The following BAHCC1 variants were observed in gnomAD, a reference collection of about 807,000 sequenced individuals.
The protein encoded by BAHCC1 is BAH domain and coiled-coil containing 1.
A neutral mutation model predicts 88.2 loss-of-function variants in BAHCC1; 43 were observed. The ratio of observed to expected loss-of-function variants is 0.49; its 90% CI spans 0.38 to 0.63. The LOEUF (loss-of-function observed/expected upper bound fraction) is 0.63, where lower values mean the gene tolerates loss of function less well. BAHCC1 is among the 20% of genes least tolerant of loss of function. The pLI is 0.00. For missense variants in BAHCC1, 3,023 were observed against 1,654.8 expected (o/e 1.83, Z -14.34); for synonymous variants, 1,510 against 745.5 (o/e 2.03, Z -16.71).
chr17:81,395,543 A>C lies in BAHCC1; in HGVS notation c.-299A>C, dbSNP rs1390794913. 6.6e-6 allele frequency: 1 copy of C among 152,272 alleles called. No individual in the cohort carries two copies. Among genetic ancestry groups the C allele is most frequent in the Non-Finnish European group, 1.5e-5 (1 of 68,044 alleles). 9.4% of individuals were successfully genotyped at this position (152,272 alleles called of 1,614,324 possible). ...GCGGTGCATTTACAGTGCAACAGTC[A>C]GCACATTGAAAATACCAATAGGAAT... On this transcript the variant is annotated 5_prime_UTR_variant, in exon 1 of 28. Transcript: ENST00000675386.
Position 81,399,611 on chromosome 17 carries a change from G to T in BAHCC1, c.-129G>T. The T allele has an allele frequency of 1.2e-5, 7 of 567,366 alleles. No homozygotes were observed. The highest frequency in any genetic ancestry group is 1.8e-5 in the Non-Finnish European group (7 of 385,120). The allele number at this position is 567,366 out of a possible 1,614,324, so 35.1% of individuals were successfully genotyped here. A position where few individuals can be genotyped will look rare whatever the true frequency, so the allele number is the denominator to read the frequency against. On this transcript the variant is annotated 5_prime_UTR_variant, in exon 2 of 28. Transcript: ENST00000675386. The surrounding 1 kb of genome is among the most constrained non-coding windows in gnomAD (Gnocchi z 4.5). ...AGCCCAGTCCTCCCGCGTGCTGACC[G>T]GCCCCGCCGCCACCACCGCCTGTGA...
At chr17:81,423,286 G>C (rs1311431085) in intron 2 of BAHCC1, among the ~76,000 whole-genome samples, 2 of 152,214 alleles carry the variant, frequency 1.3e-5, no homozygotes, top group South Asian at 4.1e-4. Flanking sequence ...GGCCTTGGGG[G>C]CCCTGGGCTG....
rs782658026 is a variant in BAHCC1, at chr17:81,459,258, G to A, written c.5726G>A (p.Ser1909Asn). 1 of 779,314 alleles carries A rather than the reference G, an allele frequency of 1.3e-6. No individual in the cohort carries two copies. The highest frequency in any genetic ancestry group is 2.4e-6 in the Non-Finnish European group (1 of 417,680). The allele number at this position is 779,314 out of a possible 1,614,324, so 48.3% of individuals were successfully genotyped here. A position where few individuals can be genotyped will look rare whatever the true frequency, so the allele number is the denominator to read the frequency against. ...VRTLQPPDIY[S>N]IVIEGERGNR... Reference sequence around the variant, plus strand: ...ACATTCCCCAATGCCCCCAGCTATAGCATCGTCATCGAGGGCGAGAGGGGC... The same window carrying A: ...ACATTCCCCAATGCCCCCAGCTATAACATCGTCATCGAGGGCGAGAGGGGC... The change falls in exon 22 of 28, where the codon AGC (serine) becomes AAC (asparagine). Residue 1909 changes from serine (S) to asparagine (N), a missense_variant. Physicochemically the swap from Ser to Asn is conservative, Grantham distance 46. Coordinates refer to ENST00000675386, the MANE Select transcript of BAHCC1 (RefSeq NM_001377448.1).
chr17:81,420,885 T>G (rs781826535), intron 2 of BAHCC1, among the ~76,000 whole-genome samples: 1 of 152,318 alleles, frequency 6.6e-6, no homozygotes, highest in Non-Finnish European at 1.5e-5. Context: ...AGGCTCTGTG[T>G]GGGGCCAGGG....
rs2064750436 is a variant in BAHCC1, at chr17:81,456,411, A to C, written c.4684A>C (p.Ser1562Arg). The C allele has an allele frequency of 2.8e-6, 2 of 721,962 alleles. No individual in the cohort carries two copies. Among genetic ancestry groups the C allele is most frequent in the African/African-American group, 3.5e-5 (2 of 57,538 alleles). The allele number at this position is 721,962 out of a possible 1,614,324, so 44.7% of individuals were successfully genotyped here. The change falls in exon 16 of 28, where the codon AGC (serine) becomes CGC (arginine). Residue 1562 changes from serine (S) to arginine (R), a missense_variant. Coordinates refer to ENST00000675386, the MANE Select transcript of BAHCC1 (RefSeq NM_001377448.1). ...VKSKGLPTGL[S>R]SFQQKEATPG... ...GAGCAAAGGGCTGCCCACAGGCCTC[A>C]GCTCTTTCCAGCAGAAGGAGGCTAC...
At chr17:81,441,411 C>T (rs1479191730) in intron 4 of BAHCC1, among the ~76,000 whole-genome samples, 2 of 152,160 alleles carry the variant, frequency 1.3e-5, no homozygotes, top group East Asian at 3.9e-4. Context: ...GCCTGTAATC[C>T]CAGTACTTTG....
intron 24 of BAHCC1, 60 bp downstream of exon 24, chr17:81,460,456 C>T: frequency 1.4e-6 from 1 of 727,038 alleles, no homozygotes; most frequent in Admixed American, 1.9e-5. Context: ...TCCAGACGGG[C>T]TCCCAAGGAA....
chr17:81,439,774 G>T (rs576704480), intron 4 of BAHCC1, among the ~76,000 whole-genome samples: 1 of 152,250 alleles, frequency 6.6e-6, no homozygotes, highest in East Asian at 1.9e-4. Flanking sequence ...ACACCCTGAA[G>T]GGAACAGAGG....
chr17:81,430,030 C>T (rs946561650), intron 3 of BAHCC1, among the ~76,000 whole-genome samples: 1 of 152,162 alleles, frequency 6.6e-6, no homozygotes, highest in African/African-American at 2.4e-5. Flanking sequence ...CGCAGCTTAC[C>T]CGAGGCTCGC....
chr17:81,409,404 A>G (rs1312637627), intron 2 of BAHCC1, among the ~76,000 whole-genome samples: 1 of 152,034 alleles, frequency 6.6e-6, no homozygotes, highest in Non-Finnish European at 1.5e-5. Context: ...GGCCTGGGGA[A>G]GGGGGGAAGT....
At chr17:81,402,447 A>G (rs1199821627) in intron 2 of BAHCC1, 1 of 152,260 alleles carries the variant, frequency 6.6e-6, no homozygotes, top group African/African-American at 2.4e-5. Context: ...AGAAAAAAGC[A>G]TAATTACGTT....
chr17:81,399,668 G>A lies in BAHCC1; in HGVS notation c.-72G>A, dbSNP rs1232471194. ...ACGCCGCCGCCTCTGCGCCGCCCGCGCGCCGAGCCGCCCCCGGGCCCCGGC... is the reference window on the plus strand; with the variant it reads ...ACGCCGCCGCCTCTGCGCCGCCCGCACGCCGAGCCGCCCCCGGGCCCCGGC... On this transcript the variant is annotated 5_prime_UTR_variant, in exon 2 of 28. Coordinates refer to ENST00000675386, the MANE Select transcript of BAHCC1 (RefSeq NM_001377448.1). This position sits in a 1 kb window ranked among gnomAD's most constrained non-coding sequence, Gnocchi z 4.5. 4 of 943,232 alleles carry A rather than the reference G, an allele frequency of 4.2e-6. No individual in the cohort carries two copies. The African/African-American group carries it at 5.4e-5, about 13-fold the overall frequency. The allele number at this position is 943,232 out of a possible 1,614,324, so 58.4% of individuals were successfully genotyped here. A position where few individuals can be genotyped will look rare whatever the true frequency, so the allele number is the denominator to read the frequency against.
chr17:81,398,967 A>G (rs1555645362), intron 1 of BAHCC1, among the ~76,000 whole-genome samples: 3 of 151,954 alleles, frequency 2.0e-5, no homozygotes, highest in Non-Finnish European at 4.4e-5. Flanking sequence ...TACAATCAAT[A>G]AAATTACTCG....
intron 3 of BAHCC1, among the ~76,000 whole-genome samples, chr17:81,428,783 CAT>C (rs2064228744): frequency 6.6e-6 from 1 of 152,262 alleles, no homozygotes; most frequent in Non-Finnish European, 1.5e-5. Context: ...GAGCTGCCCA[CAT>C]CCCACCCCGG....
Position 81,459,496 on chromosome 17 carries a change from G to A in BAHCC1, c.5797G>A (p.Val1933Ile). The change falls in exon 23 of 28, where the codon GTT (valine) becomes ATT (isoleucine). Residue 1933 changes from valine to isoleucine, a missense_variant and splice_region_variant. Coordinates refer to ENST00000675386, the MANE Select transcript of BAHCC1 (RefSeq NM_001377448.1). ...TGGGTCGTCGCCCGCGTTCCTGCAG[G>A]TTCTCGATGTGCGGCCACAGTCCAG... ...YSLEQLLQEA[V>I]LDVRPQSSRY... The A allele has an allele frequency of 1.3e-6, 1 of 779,290 alleles. No individual in the cohort carries two copies. Among genetic ancestry groups the A allele is most frequent in the Non-Finnish European group, 2.4e-6 (1 of 417,822 alleles). The allele number at this position is 779,290 out of a possible 1,614,324, so 48.3% of individuals were successfully genotyped here.
At chr17:81,451,246 T>C (rs2064628292) in intron 11 of BAHCC1, 1 of 177,490 alleles carries the variant, frequency 5.6e-6, no homozygotes, top group Non-Finnish European at 1.2e-5. Flanking sequence ...GAGGCCTCAG[T>C]GGGCTCTCGT....
rs2064305535 is a variant in BAHCC1 at position 81,434,197 on chromosome 17, C to T, written c.359-4173C>T. On this transcript the variant is annotated intron_variant, in intron 3 of 27. Transcript: ENST00000675386. This position sits in a 1 kb window ranked among gnomAD's most constrained non-coding sequence, Gnocchi z 4.9. ...CTCGCTGGACAGTGGGTATTTGAGACAGTGCCCACAGCCTCCCACGTTCCC... is the reference window on the plus strand; with the variant it reads ...CTCGCTGGACAGTGGGTATTTGAGATAGTGCCCACAGCCTCCCACGTTCCC... 6.6e-6 allele frequency among the ~76,000 whole-genome samples: 1 copy of T among 152,168 alleles called. No individual in the cohort carries two copies. Among genetic ancestry groups the T allele is most frequent in the African/African-American group, 2.4e-5 (1 of 41,442 alleles).
At chr17:81,414,683 C>T (rs1286687963) in intron 2 of BAHCC1, among the ~76,000 whole-genome samples, 2 of 152,202 alleles carry the variant, frequency 1.3e-5, no homozygotes, top group East Asian at 1.9e-4. Context: ...CGCTGGCCGT[C>T]GGGAGGGCCT....
intron 3 of BAHCC1, among the ~76,000 whole-genome samples, chr17:81,437,646 G>T (rs1404970108): frequency 6.6e-6 from 1 of 152,252 alleles, no homozygotes; most frequent in Non-Finnish European, 1.5e-5. Flanking sequence ...CCTGTGCTGG[G>T]CAGGGGCAGG....
Sources: allele counts gnomAD v4.1 joint callset (sites outside exome capture counted in the v4.1 genomes callset), GRCh38; gene constraint gnomAD v4.1.1; non-coding constraint Gnocchi (gnomAD v3.1); transcripts MANE v1.5; gene names NCBI Gene and HGNC (gene_info 2026-07-23, HGNC 2026-07-21).